The following XPO5 variants were observed in gnomAD, a reference collection of about 807,000 sequenced individuals.
XPO5 encodes the protein exportin 5.
A neutral mutation model predicts 160.6 loss-of-function variants in XPO5; 46 were observed. The observed-to-expected ratio is 0.29, with a 90% CI of 0.23 to 0.37. The LOEUF (loss-of-function observed/expected upper bound fraction) is 0.37. Ranked by LOEUF, XPO5 falls within the 10% of genes least tolerant of loss-of-function variation. XPO5 has a pLI of 1.00. For synonymous variants in XPO5, 537 were observed against 519.3 expected (o/e 1.03, Z -0.46); for missense variants, 1,090 against 1,463.9 (o/e 0.74, Z 4.17).
At chr6:43,564,226 A>G (rs368361883) in intron 8 of XPO5, among the ~76,000 whole-genome samples, 5 of 152,144 alleles carry the variant, frequency 3.3e-5, no homozygotes, top group African/African-American at 1.2e-4. Flanking sequence ...CTGGCCCGCT[A>G]AATTTATTTA....
At chr6:43,525,691 C>A (rs144041302) in intron 28 of XPO5, 148 bp downstream of exon 28, 130 of 810,228 alleles carry the variant, frequency 1.6e-4, no homozygotes, top group East Asian at 3.5e-4. Context: ...CCTTTTCCCT[C>A]GGTTTTTTCT....
At chr6:43,574,702 GGA>G (rs1420608783) in intron 1 of XPO5, among the ~76,000 whole-genome samples, 2 of 152,146 alleles carry the variant, frequency 1.3e-5, no homozygotes, top group African/African-American at 2.4e-5. Flanking sequence ...TTCGAGGCAG[GGA>G]GAGAGGATAG....
At chr6:43,555,651 A>T in intron 13 of XPO5, 185 bp downstream of exon 13, 1 of 590,840 alleles carries the variant, frequency 1.7e-6, no homozygotes, top group Non-Finnish European at 2.6e-6. Context: ...AAACAAATTT[A>T]AAATGTGTCA....
chr6:43,562,566 A>G lies in XPO5; in HGVS notation c.912-220T>C, dbSNP rs989791723. 2.4e-5 allele frequency: 12 copies of G among 507,200 alleles called. No individual in the cohort carries two copies. The East Asian group carries it at 4.3e-4, about 18-fold the overall frequency. The allele number at this position is 507,200 out of a possible 1,614,324, so 31.4% of individuals were successfully genotyped here. A position where few individuals can be genotyped will look rare whatever the true frequency, so the allele number is the denominator to read the frequency against. ...GGACTATTCACACAAACAGCAATTAATAACTATGAGTGTGAAAAGCAACTA... is the reference window on the plus strand; with the variant it reads ...GGACTATTCACACAAACAGCAATTAGTAACTATGAGTGTGAAAAGCAACTA... On this transcript the variant is annotated intron_variant, in intron 8 of 31. Transcript: ENST00000265351.
rs946181140 is a variant in XPO5 at position 43,562,281 on chromosome 6, A to G, written c.977T>C (p.Leu326Ser). Reference protein sequence around the residue: ...YVFLKRLCQVLCALGNQLCAL... With the variant: ...YVFLKRLCQVSCALGNQLCAL... ...ACACAGCTGATTGCCCAGCGCACACAACACCTGACAGAGCCTCTTCAGAAA... is the reference window on the plus strand; with the variant it reads ...ACACAGCTGATTGCCCAGCGCACACGACACCTGACAGAGCCTCTTCAGAAA... The change falls in exon 9 of 32, where the codon TTG (leucine) becomes TCG (serine). Residue 326 changes from leucine to serine, a missense_variant. Leu to Ser is a moderately radical substitution (Grantham distance 145). Coordinates refer to ENST00000265351, the MANE Select transcript of XPO5 (RefSeq NM_020750.3). The G allele has an allele frequency of 3.0e-5, 49 of 1,609,308 alleles. No homozygotes were observed. The highest frequency in any genetic ancestry group is 4.2e-5 in the Non-Finnish European group (49 of 1,178,086).
rs1170282763 is a variant in XPO5, at chr6:43,548,504, A to T, written c.1861-44T>A. ...AAAAGCCAGAGGTGGTAAAGGTCTG[A>T]TTTTCAAGGAGAGGTGGCTTACTCA... is the stretch of plus-strand genomic sequence containing the variant. On this transcript the variant is annotated intron_variant, in intron 17 of 31. Transcript: ENST00000265351. 2.8e-6 allele frequency: 4 copies of T among 1,443,162 alleles called. No individual in the cohort carries two copies. In the Admixed American group the frequency reaches 1.0e-4, roughly 36 times the overall value. The allele number at this position is 1,443,162 out of a possible 1,614,324, so 89.4% of individuals were successfully genotyped here.
At position 43,565,720 on chromosome 6, in the gene XPO5, C is replaced by T. The variant is rs1289604194; in HGVS notation, c.851G>A (p.Arg284Gln). The change falls in exon 8 of 32, where the codon CGG becomes CAG. Residue 284 changes from arginine to glutamine, a missense_variant. By Grantham distance (43) the Arg-to-Gln change is conservative. Coordinates refer to ENST00000265351, the MANE Select transcript of XPO5 (RefSeq NM_020750.3). ...AVSRKGKLED[R>Q]KPLMVLFGDV... Reference sequence around the variant, plus strand: ...TCCAAATAAGACCATCAAGGGCTTCCGGTCTTCCAACTTGCCCTAGACCCA... The same window carrying T: ...TCCAAATAAGACCATCAAGGGCTTCTGGTCTTCCAACTTGCCCTAGACCCA... The T allele has an allele frequency of 3.1e-6, 5 of 1,608,484 alleles. No individual in the cohort carries two copies. Among genetic ancestry groups the T allele is most frequent in the Admixed American group, 1.7e-5 (1 of 59,300 alleles).
intron 21 of XPO5, among the ~76,000 whole-genome samples, chr6:43,532,881 A>G (rs1413438302): frequency 1.3e-5 from 2 of 152,258 alleles, no homozygotes; most frequent in East Asian, 1.9e-4. Flanking sequence ...GTGGTGGCTC[A>G]TGCCTATAAT....
intron 11 of XPO5, 26 bp downstream of exon 11, chr6:43,560,152 C>T (rs1762341941): frequency 1.2e-6 from 2 of 1,608,126 alleles, no homozygotes; most frequent in Non-Finnish European, 1.7e-6. Context: ...ACCTACATTC[C>T]ACATGTTTAG....
At chr6:43,570,740 T>C in intron 4 of XPO5, 56 bp from the exon 5 acceptor site, 1 of 1,536,068 alleles carries the variant, frequency 6.5e-7, no homozygotes, top group Non-Finnish European at 8.7e-7. Flanking sequence ...ATTTTATGTA[T>C]ATCCAAAGGC....
At chr6:43,565,519 C>T (rs1242596477) in intron 8 of XPO5, 141 bp downstream of exon 8, 14 of 634,476 alleles carry the variant, frequency 2.2e-5, no homozygotes, top group Admixed American at 7.4e-5. Flanking sequence ...GAGCCAAGAT[C>T]GCGCCACTGC....
At chr6:43,546,967 G>A (rs887718198) in intron 19 of XPO5, among the ~76,000 whole-genome samples, 1 of 152,120 alleles carries the variant, frequency 6.6e-6, no homozygotes, top group African/African-American at 2.4e-5. Context: ...GGTAGGCTCT[G>A]GAAACTTCCC....
At chr6:43,569,681 C>T (rs992885076) in intron 5 of XPO5, among the ~76,000 whole-genome samples, 17 of 150,152 alleles carry the variant, frequency 1.1e-4, no homozygotes, top group Admixed American at 8.7e-4. Context: ...TGCAGTGAGC[C>T]GAGATTGTGC....
chr6:43,549,458 T>C, intron 17 of XPO5, 31 bp downstream of exon 17: 1 of 1,571,052 alleles, frequency 6.4e-7, no homozygotes, highest in South Asian at 1.2e-5. Context: ...TAACCAAACT[T>C]GGCTACTTCA....
At chr6:43,535,801 G>A (rs1343173113) in intron 20 of XPO5, among the ~76,000 whole-genome samples, 1 of 124,764 alleles carries the variant, frequency 8.0e-6, no homozygotes, top group Non-Finnish European at 1.6e-5. Context: ...GTGACAGAGC[G>A]AGACTCCATC....
At position 43,522,551 on chromosome 6, in the gene XPO5, T is replaced by G. The variant is rs1192620731; in HGVS notation, c.*1317A>C. 3.7e-6 allele frequency: 1 copy of G among 267,774 alleles called. No homozygotes were observed. Among genetic ancestry groups the G allele is most frequent in the East Asian group, 1.1e-4 (1 of 9,122 alleles). 16.6% of individuals were successfully genotyped at this position (267,774 alleles called of 1,614,324 possible). A position where few individuals can be genotyped will look rare whatever the true frequency, so the allele number is the denominator to read the frequency against. On this transcript the variant is annotated 3_prime_UTR_variant, in exon 32 of 32. Coordinates refer to ENST00000265351, the MANE Select transcript of XPO5 (RefSeq NM_020750.3). ...GAGGGAAACACTCTTGAGATCGCCT[T>G]CACGATCCACAGAAACCCAGAGCAC...
intron 31 of XPO5, 22 bp from the exon 32 acceptor site, chr6:43,524,027 G>C (rs777701567): frequency 9.3e-6 from 15 of 1,607,734 alleles, no homozygotes; most frequent in Non-Finnish European, 1.2e-5. Flanking sequence ...AAATGAGAAA[G>C]AATTAATGCT....
At chr6:43,546,435 C>A (rs572314226) in intron 20 of XPO5, 136 bp downstream of exon 20, 8 of 816,728 alleles carry the variant, frequency 9.8e-6, no homozygotes, top group South Asian at 3.6e-5. Context: ...ACTGAGACAC[C>A]CTCTAGAAAG....
intron 28 of XPO5, 40 bp from the exon 29 acceptor site, chr6:43,525,254 G>A (rs772398943): frequency 7.2e-6 from 11 of 1,535,736 alleles, no homozygotes; most frequent in Non-Finnish European, 9.7e-6. Context: ...GGAAAAAGAA[G>A]CACAGTTTTC....
Sources: allele counts gnomAD v4.1 joint callset (sites outside exome capture counted in the v4.1 genomes callset), GRCh38; gene constraint gnomAD v4.1.1; transcripts MANE v1.5; gene names NCBI Gene and HGNC (gene_info 2026-07-23, HGNC 2026-07-21).